Variants in LAMA3 observed in about 807,000 individuals in gnomAD.
LAMA3 encodes laminin subunit alpha-3.
In LAMA3, 281 loss-of-function variants were observed where a neutral mutation model predicts 402.0. The observed-to-expected ratio is 0.70, with a 90% CI of 0.63 to 0.77. The LOEUF is 0.77. LAMA3 is among the 30% of genes least tolerant of loss of function. The probability of loss-of-function intolerance (pLI) is 0.00; values close to 1 mark genes in which losing one functional copy is unlikely to be tolerated. For synonymous variants in LAMA3, 1,431 were observed against 1,558.4 expected, an observed-to-expected ratio of 0.92 and a Z score of 1.93; for missense variants, 3,840 against 4,215.5, an observed-to-expected ratio of 0.91 and a Z score of 2.47.
At chr18:23,891,956 A>C (rs1377667246) in intron 42 of LAMA3, among the ~76,000 whole-genome samples, 1 of 152,222 alleles carries the variant, frequency 6.6e-6, no homozygotes, top group Admixed American at 6.5e-5. Flanking sequence ...GAACTGTGTC[A>C]CACGAGGAAG....
At chr18:23,797,654 G>T (rs2062790790) in intron 12 of LAMA3, among the ~76,000 whole-genome samples, 1 of 151,966 alleles carries the variant, frequency 6.6e-6, no homozygotes, top group Non-Finnish European at 1.5e-5. Context: ...GGCAGAGGTT[G>T]CAGTGAGCCA....
chr18:23,739,367 C>T (rs887800623), intron 2 of LAMA3, among the ~76,000 whole-genome samples: 1 of 152,296 alleles, frequency 6.6e-6, no homozygotes, highest in East Asian at 1.9e-4. Context: ...CGACATAAAG[C>T]TCACTCCCAA....
chr18:23,907,695 G>C, intron 53 of LAMA3, 29 bp downstream of exon 53: 5 of 1,611,346 alleles, frequency 3.1e-6, no homozygotes, highest in Non-Finnish European at 4.2e-6. Context: ...CATTGTACTC[G>C]GTTGGCTTCT....
Position 23,842,536 on chromosome 18 carries a change from G to A in LAMA3, c.3463+15G>A. 1 of 1,614,250 alleles carries A rather than the reference G, an allele frequency of 6.2e-7. No individual in the cohort carries two copies. The highest frequency in any genetic ancestry group is 8.5e-7 in the Non-Finnish European group (1 of 1,180,056). ...GCCACGGGCAGGTGAGCTGCAGTGA[G>A]CAGGCCCTGCTGCCTGCCTCAGGCT... On this transcript the variant is annotated intron_variant, in intron 28 of 74. Coordinates refer to ENST00000313654, the MANE Select transcript of LAMA3 (RefSeq NM_198129.4).
chr18:23,933,739 T>A (rs1599135750), intron 66 of LAMA3, 43 bp from the exon 67 acceptor site: 2 of 1,609,450 alleles, frequency 1.2e-6, no homozygotes, highest in East Asian at 4.5e-5. Flanking sequence ...TTCCTCGACA[T>A]GTCCAAGTTT....
intron 11 of LAMA3, among the ~76,000 whole-genome samples, chr18:23,782,371 C>T (rs2062453494): frequency 6.6e-6 from 1 of 152,018 alleles, no homozygotes; most frequent in Non-Finnish European, 1.5e-5. Flanking sequence ...GCCTGGCCAA[C>T]ATGGTGAAAC....
chr18:23,842,211 C>A (rs937482843), intron 27 of LAMA3, among the ~76,000 whole-genome samples, 184 bp from the exon 28 acceptor site: 1 of 152,090 alleles, frequency 6.6e-6, no homozygotes, highest in African/African-American at 2.4e-5. Context: ...ATAACAACAA[C>A]AACAAAAAAG....
chr18:23,751,208 T>A lies in LAMA3; in HGVS notation c.855+120T>A, dbSNP rs1486720102. On this transcript the variant is annotated intron_variant, in intron 5 of 74. Transcript: ENST00000313654. ...GCCTGTAATGATGTAGGTGTGGGAG[T>A]TGTTCTTATCTGAAATACTAGATAT... The A allele has an allele frequency of 6.2e-6, 6 of 961,014 alleles. No homozygotes were observed. In the African/African-American group the frequency reaches 8.1e-5, roughly 13 times the overall value. 59.5% of individuals were successfully genotyped at this position (961,014 alleles called of 1,614,324 possible).
rs559838879 is a variant in LAMA3 at position 23,892,586 on chromosome 18, T to G, written c.5411-1712T>G. Among the ~76,000 whole-genome samples the G allele has an allele frequency of 3.3e-5, 5 of 152,070 alleles. No individual in the cohort carries two copies. In the East Asian group the frequency reaches 9.7e-4, roughly 29 times the overall value. The stretch of plus-strand genomic sequence containing the variant: ...GCCATTTACAGGCTAACTGAGGAAA[T>G]AGAAGTATCACAATATATACATATA... On this transcript the variant is annotated intron_variant, in intron 42 of 74. Transcript: ENST00000313654.
intron 51 of LAMA3, 41 bp from the exon 52 acceptor site, chr18:23,905,481 A>G (rs777783833): frequency 5.5e-6 from 6 of 1,088,158 alleles, no homozygotes; most frequent in East Asian, 2.4e-5. Flanking sequence ...ATTTCGTAAC[A>G]TATAGCATTT....
intron 62 of LAMA3, among the ~76,000 whole-genome samples, chr18:23,924,264 A>G (rs940646978): frequency 5.9e-5 from 9 of 151,780 alleles, no homozygotes; most frequent in African/African-American, 1.9e-4. Flanking sequence ...TGATTCTCCT[A>G]CCTTGGCCTC....
chr18:23,760,824 C>T (rs530225022), intron 7 of LAMA3, among the ~76,000 whole-genome samples: 51 of 152,154 alleles, frequency 3.4e-4, no homozygotes, highest in Non-Finnish European at 5.9e-4. Flanking sequence ...CCAGCAGATT[C>T]GGTGTCTGGT....
rs762029893 is a variant in LAMA3, at chr18:23,953,076, A to G, written c.9823A>G (p.Thr3275Ala). 3.1e-6 allele frequency: 5 copies of G among 1,614,096 alleles called. No homozygotes were observed. In the South Asian group the frequency reaches 4.4e-5, roughly 14 times the overall value. The change falls in exon 74 of 75, where the codon ACT becomes GCT. Residue 3275 changes from threonine (T) to alanine (A), a missense_variant. Transcript: ENST00000313654. ...ACAGATCCCCTTCCCACCTGCCAGCACTCAAGAGCCACTACACCTTGGAGG... is the reference window on the plus strand; with the variant it reads ...ACAGATCCCCTTCCCACCTGCCAGCGCTCAAGAGCCACTACACCTTGGAGG... Reference protein sequence around the residue: ...AGQIPFPPASTQEPLHLGGAP... With the variant: ...AGQIPFPPASAQEPLHLGGAP...
At chr18:23,809,897 TG>T (rs1434110616) in intron 12 of LAMA3, among the ~76,000 whole-genome samples, 1 of 152,176 alleles carries the variant, frequency 6.6e-6, no homozygotes, top group East Asian at 1.9e-4. Flanking sequence ...GAATATCAAG[TG>T]GGATATGGAA....
chr18:23,818,909 G>A (rs770956388), intron 18 of LAMA3, among the ~76,000 whole-genome samples: 18 of 151,338 alleles, frequency 1.2e-4, no homozygotes, highest in African/African-American at 4.1e-4. Context: ...TTGTTTCCAG[G>A]TCTTCACTGT....
At chr18:23,901,759 A>G (rs1361298180) in intron 48 of LAMA3, among the ~76,000 whole-genome samples, 1 of 152,262 alleles carries the variant, frequency 6.6e-6, no homozygotes, top group Non-Finnish European at 1.5e-5. Context: ...TTTATAGGAA[A>G]TAAAAGTACA....
intron 35 of LAMA3, among the ~76,000 whole-genome samples, chr18:23,863,175 G>A (rs2064267658): frequency 6.6e-6 from 1 of 152,236 alleles, no homozygotes; most frequent in South Asian, 2.1e-4. Flanking sequence ...GGAATTTGGT[G>A]GCTCACGCCT....
intron 2 of LAMA3, among the ~76,000 whole-genome samples, chr18:23,746,074 G>A (rs1046136548): frequency 1.3e-5 from 2 of 152,112 alleles, no homozygotes; most frequent in African/African-American, 4.8e-5. Flanking sequence ...TTAGAGTATT[G>A]CTTTATGATT....
intron 1 of LAMA3, among the ~76,000 whole-genome samples, chr18:23,711,451 A>G (rs1455561377): frequency 3.9e-5 from 6 of 152,226 alleles, no homozygotes; most frequent in Non-Finnish European, 7.3e-5. Flanking sequence ...CTATATCAGC[A>G]GAAAGGCTAA....
Sources: allele counts gnomAD v4.1 joint callset (sites outside exome capture counted in the v4.1 genomes callset), GRCh38; gene constraint gnomAD v4.1.1; transcripts MANE v1.5; gene names NCBI Gene and HGNC (gene_info 2026-07-23, HGNC 2026-07-21).